Variants in DNAJB6 observed in about 807,000 individuals in gnomAD.
DNAJB6 encodes dnaJ homolog subfamily B member 6.
DNAJB6 carries 16 observed loss-of-function variants against 42.7 expected under a neutral mutation model. The observed-to-expected ratio is 0.37, with a 90% confidence interval of 0.25 to 0.57. The LOEUF is 0.57. DNAJB6 is among the 20% of genes least tolerant of loss of function. DNAJB6 has a pLI of 0.74. For missense variants in DNAJB6, 347 were observed against 416.8 expected (o/e 0.83, Z 1.46); for synonymous variants, 170 against 163.5 (o/e 1.04, Z -0.30).
chr7:157,403,520 C>T (rs1362456441), intron 8 of DNAJB6, among the ~76,000 whole-genome samples: 1 of 152,152 alleles, frequency 6.6e-6, no homozygotes, highest in Non-Finnish European at 1.5e-5. Flanking sequence ...AAGCTGGAGT[C>T]CAGTGGTGCA....
At chr7:157,369,513 G>A (rs953407310) in intron 5 of DNAJB6, 4 of 420,478 alleles carry the variant, frequency 9.5e-6, no homozygotes, top group African/African-American at 4.1e-5. Context: ...GAGACCGGGC[G>A]TCTTCAACAG....
chr7:157,410,202 C>G, intron 9 of DNAJB6: 2 of 1,313,648 alleles, frequency 1.5e-6, no homozygotes, highest in Non-Finnish European at 2.0e-6. Flanking sequence ...CTCCGGGCCC[C>G]CCACCGTTAA....
rs1799009728 is a variant in DNAJB6, at chr7:157,352,025, AC to A, written c.-26-6521del. On this transcript the variant is annotated intron_variant, in intron 1 of 9. Transcript: ENST00000262177. ...AACAAACAAACAAACAAACAAAAAA[AC>A]AAAACTTCTCAATTTAAAATATTTA... 2.0e-5 allele frequency among the ~76,000 whole-genome samples: 3 copies of A among 152,114 alleles called. No individual in the cohort carries two copies. The East Asian group carries it at 5.8e-4, about 29-fold the overall frequency.
At chr7:157,351,774 G>A (rs1798991464) in intron 1 of DNAJB6, among the ~76,000 whole-genome samples, 1 of 152,000 alleles carries the variant, frequency 6.6e-6, no homozygotes, top group Non-Finnish European at 1.5e-5. Context: ...AACCAGCCTG[G>A]CCAACATGGT....
At chr7:157,365,338 G>GTGTCAT (rs1799790717) in intron 3 of DNAJB6, among the ~76,000 whole-genome samples, 1 of 152,234 alleles carries the variant, frequency 6.6e-6, no homozygotes, top group Non-Finnish European at 1.5e-5. Flanking sequence ...TGGGATATAA[G>GTGTCAT]TAGCATTTGG....
At chr7:157,370,873 G>A (rs1399521035) in intron 5 of DNAJB6, 1 of 152,660 alleles carries the variant, frequency 6.6e-6, no homozygotes, top group East Asian at 1.9e-4. Flanking sequence ...CTGACGGTAT[G>A]TTTAATGTAG....
At chr7:157,415,920 G>T in intron 9 of DNAJB6, 96 bp from the exon 10 acceptor site, 2 of 1,594,186 alleles carry the variant, frequency 1.3e-6, no homozygotes, top group Admixed American at 1.7e-5. Flanking sequence ...GTTGCTTTTT[G>T]TTCTTAACAT....
At chr7:157,366,906 G>A (rs983570979) in intron 4 of DNAJB6, among the ~76,000 whole-genome samples, 4 of 152,206 alleles carry the variant, frequency 2.6e-5, no homozygotes, top group African/African-American at 9.6e-5. Flanking sequence ...TGACTTTGAA[G>A]GGCGTGGACT....
At chr7:157,344,971 CTT>C (rs1563108215) in intron 1 of DNAJB6, among the ~76,000 whole-genome samples, 2 of 152,012 alleles carry the variant, frequency 1.3e-5, no homozygotes, top group African/African-American at 4.8e-5. Flanking sequence ...TCATTTTTAA[CTT>C]TAAAGTTTTT....
chr7:157,341,010 G>C (rs1798350075), intron 1 of DNAJB6, among the ~76,000 whole-genome samples: 1 of 126,576 alleles, frequency 7.9e-6, no homozygotes, highest in African/African-American at 2.7e-5. Context: ...GCGCGCGCAG[G>C]TGGAATCACC....
intron 5 of DNAJB6, among the ~76,000 whole-genome samples, chr7:157,375,689 A>G (rs1272222302): frequency 6.6e-6 from 1 of 152,164 alleles, no homozygotes; most frequent in Admixed American, 6.5e-5. Flanking sequence ...TGCGTGTTGT[A>G]TTCCAGATTC....
chr7:157,384,791 G>A (rs1355906037), intron 6 of DNAJB6, 76 bp from the exon 7 acceptor site: 5 of 1,434,654 alleles, frequency 3.5e-6, no homozygotes, highest in African/African-American at 2.8e-5. Flanking sequence ...TTCTGCTACT[G>A]AACTTTCAAA....
At chr7:157,391,073 C>G (rs530739489) in intron 8 of DNAJB6, among the ~76,000 whole-genome samples, 1 of 152,134 alleles carries the variant, frequency 6.6e-6, no homozygotes. Flanking sequence ...TGGGCTCGAG[C>G]GCATCACTCA....
chr7:157,367,681 A>G (rs1401605827), intron 5 of DNAJB6, among the ~76,000 whole-genome samples, 198 bp downstream of exon 5: 3 of 152,188 alleles, frequency 2.0e-5, no homozygotes, highest in Admixed American at 2.0e-4. Context: ...ACCAACATGG[A>G]GAAGCCACGT....
intron 5 of DNAJB6, among the ~76,000 whole-genome samples, chr7:157,370,087 C>G (rs1800107302): frequency 3.4e-5 from 5 of 147,814 alleles, no homozygotes; most frequent in African/African-American, 1.3e-4. Context: ...CCCTTCTTAA[C>G]ATTATTATTA....
rs77069152 is a variant in DNAJB6, at chr7:157,395,286, C to T, written c.691+9675C>T. 6.1e-3 allele frequency among the ~76,000 whole-genome samples: 927 copies of T among 152,306 alleles called. 15 individuals carry two copies. Among genetic ancestry groups the T allele is most frequent in the African/African-American group, 0.021 (860 of 41,572 alleles). On this transcript the variant is annotated intron_variant, in intron 8 of 9. Transcript: ENST00000262177. Reference sequence around the variant, plus strand: ...CTTAATGTAGTTAAAGCAATAGCAACTGAATGAAAAGCTCTAACATGAATT... The same window carrying T: ...CTTAATGTAGTTAAAGCAATAGCAATTGAATGAAAAGCTCTAACATGAATT...
chr7:157,406,417 G>T (rs1795769178), intron 8 of DNAJB6, among the ~76,000 whole-genome samples: 1 of 152,268 alleles, frequency 6.6e-6, no homozygotes, highest in South Asian at 2.1e-4. Flanking sequence ...ACAGGACTGT[G>T]TCGGACTGCT....
chr7:157,395,114 C>CCAA (rs567771520), intron 8 of DNAJB6, among the ~76,000 whole-genome samples: 17 of 151,522 alleles, frequency 1.1e-4, no homozygotes, highest in African/African-American at 3.6e-4. Flanking sequence ...CCCCACCTCC[C>CCAA]AAAAAACCCC....
Position 157,416,368 on chromosome 7 carries a change from G to T in DNAJB6, c.*270G>T, listed in dbSNP as rs554220388. Reference sequence around the variant, plus strand: ...TGCTGCATTTTCCTCTAGTGCTTCCGGATCCTCTTCATTCTTTTCGGCTAC... The same window carrying T: ...TGCTGCATTTTCCTCTAGTGCTTCCTGATCCTCTTCATTCTTTTCGGCTAC... On this transcript the variant is annotated 3_prime_UTR_variant, in exon 10 of 10. Transcript: ENST00000262177. 4.4e-6 allele frequency: 2 copies of T among 455,736 alleles called. No individual in the cohort carries two copies. Among genetic ancestry groups the T allele is most frequent in the African/African-American group, 2.0e-5 (1 of 51,132 alleles). The allele number at this position is 455,736 out of a possible 1,614,324, so 28.2% of individuals were successfully genotyped here.
Sources: allele counts gnomAD v4.1 joint callset (sites outside exome capture counted in the v4.1 genomes callset), GRCh38; gene constraint gnomAD v4.1.1; transcripts MANE v1.5; gene names NCBI Gene and HGNC (gene_info 2026-07-23, HGNC 2026-07-21).